ACOXL: variants seen among roughly 807,000 people sequenced by gnomAD.
The protein encoded by ACOXL is acyl-coenzyme A oxidase-like protein.
In ACOXL, 70 loss-of-function variants were observed where a neutral mutation model predicts 71.9. The ratio of observed to expected loss-of-function variants is 0.97; its 90% CI spans 0.80 to 1.19. The LOEUF (loss-of-function observed/expected upper bound fraction) is 1.19, where lower values mean the gene tolerates loss of function less well. Ranked by LOEUF, ACOXL falls within the 50% of genes most tolerant of loss-of-function variation. The probability of loss-of-function intolerance (pLI) is 0.00; values close to 1 mark genes in which losing one functional copy is unlikely to be tolerated. For synonymous variants in ACOXL, 253 were observed against 281.6 expected (o/e 0.90, Z 1.02); for missense variants, 703 against 736.3 (o/e 0.95, Z 0.52).
chr2:110,885,594 T>C (rs2149115374), intron 10 of ACOXL, among the ~76,000 whole-genome samples: 2 of 152,308 alleles, frequency 1.3e-5, no homozygotes, highest in Middle Eastern at 3.4e-3. Context: ...GCTTTATGCA[T>C]TTTTTGCAAA....
At chr2:110,962,032 T>C (rs1057294953) in intron 12 of ACOXL, among the ~76,000 whole-genome samples, 3 of 152,238 alleles carry the variant, frequency 2.0e-5, no homozygotes, top group African/African-American at 7.2e-5. Flanking sequence ...TATTTAGTGT[T>C]ACTCTTCTTC....
rs751607372 is a variant in ACOXL, at chr2:110,886,380, CT to C, written c.789-22392del. Among the ~76,000 whole-genome samples, 794 of 131,404 alleles carry C rather than the reference CT, an allele frequency of 6.0e-3. 1 individual carries two copies. Among genetic ancestry groups the C allele is most frequent in the Middle Eastern group, 8.3e-3 (2 of 242 alleles). 86.2% of individuals were successfully genotyped at this position (131,404 alleles called of 152,430 possible). ...TGGACTTTACCCTATCCTTCTTTTT[CT>C]TTTTTTTTTTTTTTTTAATGGATTC... On this transcript the variant is annotated intron_variant, in intron 10 of 17. Coordinates refer to ENST00000439055, the MANE Select transcript of ACOXL (RefSeq NM_001142807.4).
intron 11 of ACOXL, among the ~76,000 whole-genome samples, chr2:110,917,369 A>C (rs929365551): frequency 1.3e-5 from 2 of 152,172 alleles, no homozygotes; most frequent in African/African-American, 4.8e-5. Context: ...CATGCTAAAT[A>C]CTCTCAATAA....
Position 111,117,785 on chromosome 2 carries a change from C to G in ACOXL, c.1712C>G (p.Ser571Cys). The G allele has an allele frequency of 6.4e-7, 1 of 1,550,614 alleles. No homozygotes were observed. Among genetic ancestry groups the G allele is most frequent in the Non-Finnish European group, 8.7e-7 (1 of 1,146,682 alleles). ...LQPRPREEAR[S>C]RRPKLGAKL ...CCGCGGCCACGGGAAGAGGCGCGCTCCCGGCGGCCCAAGCTGGGAGCCAAG... is the reference window on the plus strand; with the variant it reads ...CCGCGGCCACGGGAAGAGGCGCGCTGCCGGCGGCCCAAGCTGGGAGCCAAG... Residue 571 changes from serine (S) to cysteine (C), a missense_variant, in exon 18 of 18, where the codon TCC becomes TGC. Ser to Cys is a moderately radical substitution (Grantham distance 112, BLOSUM62 -1). Coordinates refer to ENST00000439055, the MANE Select transcript of ACOXL (RefSeq NM_001142807.4).
chr2:110,736,140 C>T (rs1346491206), intron 1 of ACOXL, among the ~76,000 whole-genome samples: 1 of 152,200 alleles, frequency 6.6e-6, no homozygotes, highest in Non-Finnish European at 1.5e-5. Flanking sequence ...AACACGTTCT[C>T]ACTAGGAAGA....
At chr2:111,077,052 C>A (rs1313378218) in intron 16 of ACOXL, among the ~76,000 whole-genome samples, 1 of 152,112 alleles carries the variant, frequency 6.6e-6, no homozygotes, top group Non-Finnish European at 1.5e-5. Flanking sequence ...CTGTAAAGGC[C>A]CTTTTCCCTT....
chr2:110,991,808 T>G (rs186205719), intron 13 of ACOXL, among the ~76,000 whole-genome samples: 25 of 152,338 alleles, frequency 1.6e-4, no homozygotes, highest in African/African-American at 5.8e-4. Flanking sequence ...TTAGTTTAAA[T>G]GTCTCCATTT....
At chr2:110,806,131 C>T (rs1327925944) in intron 9 of ACOXL, among the ~76,000 whole-genome samples, 6 of 152,244 alleles carry the variant, frequency 3.9e-5, no homozygotes, top group Admixed American at 3.3e-4. Flanking sequence ...GACTCCAGGC[C>T]TGACATCAGT....
intron 9 of ACOXL, among the ~76,000 whole-genome samples, chr2:110,809,439 A>T (rs150280253): frequency 1.3e-5 from 2 of 152,340 alleles, no homozygotes; most frequent in East Asian, 3.9e-4. Context: ...CAGACAACTC[A>T]GCCAGTCCTG....
At chr2:110,744,127 GAGAA>G (rs1453855654) in intron 1 of ACOXL, among the ~76,000 whole-genome samples, 2 of 152,286 alleles carry the variant, frequency 1.3e-5, no homozygotes, top group Admixed American at 6.5e-5. Context: ...GAGAGAGAGA[GAGAA>G]AGAGAGAGAG....
At chr2:110,735,216 C>T (rs947916946) in intron 1 of ACOXL, among the ~76,000 whole-genome samples, 8 of 152,146 alleles carry the variant, frequency 5.3e-5, no homozygotes, top group African/African-American at 1.9e-4. Context: ...TTACCTTAGC[C>T]CATGTTAGAA....
chr2:110,765,314 T>C (rs1003838299), intron 1 of ACOXL, among the ~76,000 whole-genome samples: 21 of 152,232 alleles, frequency 1.4e-4, no homozygotes, highest in Admixed American at 4.6e-4. Flanking sequence ...TGTAGGTTTA[T>C]TATGTCTTTT....
chr2:110,749,030 G>A (rs1340148396), intron 1 of ACOXL, among the ~76,000 whole-genome samples: 3 of 152,198 alleles, frequency 2.0e-5, no homozygotes, highest in Non-Finnish European at 1.5e-5. Context: ...TTTGAAGTTC[G>A]TGTTGATGCT....
At chr2:110,733,801 C>G (rs934342809) in intron 1 of ACOXL, among the ~76,000 whole-genome samples, 1 of 152,216 alleles carries the variant, frequency 6.6e-6, no homozygotes, top group Non-Finnish European at 1.5e-5. Flanking sequence ...CTCTTTCCCT[C>G]TCTCTCATAC....
chr2:110,926,928 T>G (rs913016918), intron 11 of ACOXL, among the ~76,000 whole-genome samples: 11 of 152,178 alleles, frequency 7.2e-5, no homozygotes, highest in African/African-American at 2.7e-4. Flanking sequence ...TCCTGGGGCC[T>G]TCCAGCATCT....
intron 14 of ACOXL, among the ~76,000 whole-genome samples, chr2:111,013,388 G>T (rs183066810): frequency 6.6e-6 from 1 of 151,896 alleles, no homozygotes; most frequent in Non-Finnish European, 1.5e-5. Context: ...GCCAGGTGTT[G>T]TGGCGGGCAC....
intron 14 of ACOXL, among the ~76,000 whole-genome samples, chr2:110,997,872 A>G (rs1057255048): frequency 6.6e-6 from 1 of 151,958 alleles, no homozygotes; most frequent in South Asian, 2.1e-4. Context: ...AACATGGCAA[A>G]ATCCCATCTC....
chr2:111,040,651 G>A (rs892612578), intron 15 of ACOXL, among the ~76,000 whole-genome samples: 5 of 152,162 alleles, frequency 3.3e-5, no homozygotes, highest in Admixed American at 1.3e-4. Context: ...CAGGGTCCAC[G>A]CGGCTCCCCA....
At chr2:111,075,032 T>C (rs1289419747) in intron 16 of ACOXL, among the ~76,000 whole-genome samples, 1 of 152,208 alleles carries the variant, frequency 6.6e-6, no homozygotes, top group African/African-American at 2.4e-5. Context: ...CTGAGAAATC[T>C]TGGTCTGTAG....
Sources: allele counts gnomAD v4.1 joint callset (sites outside exome capture counted in the v4.1 genomes callset), GRCh38; gene constraint gnomAD v4.1.1; transcripts MANE v1.5; gene names NCBI Gene and HGNC (gene_info 2026-07-23, HGNC 2026-07-21).